Variants in DLG2 observed in about 807,000 individuals in gnomAD.
DLG2 encodes the protein discs large MAGUK scaffold protein 2, also known as disks large homolog 2.
A neutral mutation model predicts 132.5 loss-of-function variants in DLG2; 45 were observed. That is an observed-to-expected ratio of 0.34 (90% CI 0.27 to 0.44). The LOEUF (loss-of-function observed/expected upper bound fraction) is 0.44. Among genes scored for constraint, DLG2 ranks in the 20% least tolerant of loss-of-function variants. The pLI, the probability that DLG2 is intolerant of heterozygous loss-of-function variation, is 1.00. For synonymous variants in DLG2, 424 were observed against 419.6 expected, an observed-to-expected ratio of 1.01 and a Z score of -0.13; for missense variants, 1,045 against 1,196.9, an observed-to-expected ratio of 0.87 and a Z score of 1.87.
intron 3 of DLG2, among the ~76,000 whole-genome samples, chr11:85,359,564 G>T (rs935072271): frequency 7.9e-5 from 12 of 152,170 alleles, no homozygotes; most frequent in Admixed American, 2.0e-4. Flanking sequence ...AGATCAATAA[G>T]ACATGGCTCT....
chr11:84,588,349 A>C (rs1335551097), intron 6 of DLG2, among the ~76,000 whole-genome samples: 1 of 152,044 alleles, frequency 6.6e-6, no homozygotes, highest in Non-Finnish European at 1.5e-5. Context: ...CAAACACCTC[A>C]TTTGCACAAT....
chr11:83,905,316 C>A (rs1441379404), intron 15 of DLG2, among the ~76,000 whole-genome samples: 1 of 152,244 alleles, frequency 6.6e-6, no homozygotes, highest in South Asian at 2.1e-4. Flanking sequence ...GTTTCTCTCA[C>A]TTTTGATCTG....
chr11:84,995,386 G>A (rs2057533497), intron 6 of DLG2, among the ~76,000 whole-genome samples: 1 of 152,158 alleles, frequency 6.6e-6, no homozygotes, highest in Non-Finnish European at 1.5e-5. Flanking sequence ...CCCCTCAGCT[G>A]TTGCTCTGAG....
intron 3 of DLG2, chr11:85,469,792 G>A (rs916191836): frequency 6.6e-6 from 1 of 152,154 alleles, no homozygotes; most frequent in African/African-American, 2.4e-5. Context: ...TTCTAGTCTA[G>A]GAGGCCAGTT....
At chr11:83,959,077 A>C (rs2087743819) in intron 14 of DLG2, among the ~76,000 whole-genome samples, 3 of 152,158 alleles carry the variant, frequency 2.0e-5, no homozygotes, top group Admixed American at 6.5e-5. Context: ...CATCACAATG[A>C]ATGCCGATTT....
intron 18 of DLG2, among the ~76,000 whole-genome samples, chr11:83,764,670 G>C (rs1191548101): frequency 1.3e-5 from 2 of 152,208 alleles, no homozygotes; most frequent in Non-Finnish European, 2.9e-5. Flanking sequence ...TAAAGAGACT[G>C]ATACACCAAG....
At chr11:83,746,066 G>A (rs2092887701) in intron 18 of DLG2, among the ~76,000 whole-genome samples, 5 of 152,126 alleles carry the variant, frequency 3.3e-5, no homozygotes, top group Admixed American at 3.3e-4. Flanking sequence ...TCATTAAAAA[G>A]TCAGGAAACA....
At chr11:84,633,089 C>T (rs1484751065) in intron 6 of DLG2, among the ~76,000 whole-genome samples, 3 of 152,112 alleles carry the variant, frequency 2.0e-5, no homozygotes, top group African/African-American at 7.2e-5. Flanking sequence ...GTTTATGATC[C>T]ATGTATATTA....
intron 2 of DLG2, among the ~76,000 whole-genome samples, chr11:85,605,457 G>GT (rs893985247): frequency 2.0e-5 from 3 of 152,140 alleles, no homozygotes; most frequent in Non-Finnish European, 4.4e-5. Context: ...ATTTGTATTT[G>GT]TAACATATAA....
At chr11:85,127,483 A>G (rs768871611) in intron 5 of DLG2, among the ~76,000 whole-genome samples, 14 of 152,016 alleles carry the variant, frequency 9.2e-5, no homozygotes, top group Non-Finnish European at 2.1e-4. Context: ...TCATTTTCTT[A>G]TCAGACATCA....
chr11:85,049,026 T>C (rs2062629465), intron 6 of DLG2, among the ~76,000 whole-genome samples: 1 of 152,048 alleles, frequency 6.6e-6, no homozygotes, highest in African/African-American at 2.4e-5. Context: ...ATACATATGG[T>C]TGCTTTGTTC....
chr11:85,029,049 C>T (rs1035647515), intron 6 of DLG2, among the ~76,000 whole-genome samples: 7 of 152,078 alleles, frequency 4.6e-5, no homozygotes, highest in Non-Finnish European at 8.8e-5. Flanking sequence ...TTAGTATTTG[C>T]TAAAAGCTTT....
intron 6 of DLG2, among the ~76,000 whole-genome samples, chr11:85,037,322 T>C (rs936872550): frequency 2.0e-5 from 3 of 152,164 alleles, no homozygotes; most frequent in Non-Finnish European, 4.4e-5. Flanking sequence ...CCATCACTTA[T>C]TTGGCTACCA....
chr11:85,021,702 T>A, intron 6 of DLG2: 18 of 886,620 alleles, frequency 2.0e-5, no homozygotes, highest in Admixed American at 1.8e-4. Context: ...TGGCTGAAGA[T>A]CAAAAAAAAT....
intron 6 of DLG2, among the ~76,000 whole-genome samples, chr11:84,958,601 A>AG (rs2052040878): frequency 6.6e-6 from 1 of 152,172 alleles, no homozygotes; most frequent in Admixed American, 6.5e-5. Flanking sequence ...TACAGCCAGA[A>AG]AGACACAGAC....
intron 19 of DLG2, among the ~76,000 whole-genome samples, chr11:83,546,568 T>C (rs1484778086): frequency 6.6e-6 from 1 of 152,162 alleles, no homozygotes; most frequent in African/African-American, 2.4e-5. Context: ...TTCTGCCATG[T>C]AAGCATTTTT....
chr11:85,192,675 A>G (rs2080693199), intron 4 of DLG2, among the ~76,000 whole-genome samples: 2 of 152,232 alleles, frequency 1.3e-5, no homozygotes, highest in Admixed American at 6.5e-5. Context: ...TCCTTAGATT[A>G]TAATAAATCA....
intron 3 of DLG2, among the ~76,000 whole-genome samples, chr11:85,586,246 G>A (rs549895627): frequency 1.3e-5 from 2 of 151,968 alleles, no homozygotes; most frequent in East Asian, 1.9e-4. Context: ...GGAGGATTCC[G>A]TCTTTCTCTA....
At chr11:84,537,883 G>C (rs541337262) in intron 6 of DLG2, among the ~76,000 whole-genome samples, 1 of 152,174 alleles carries the variant, frequency 6.6e-6, no homozygotes, top group Non-Finnish European at 1.5e-5. Context: ...TTGGCTACTG[G>C]ATGAAAACTT....
Sources: allele counts gnomAD v4.1 joint callset (sites outside exome capture counted in the v4.1 genomes callset), GRCh38; gene constraint gnomAD v4.1.1; transcripts MANE v1.5; gene names NCBI Gene and HGNC (gene_info 2026-07-23, HGNC 2026-07-21).